ZNF682: variants seen among roughly 807,000 people sequenced by gnomAD.
The protein encoded by ZNF682 is zinc finger protein 682.
ZNF682 carries 29 observed loss-of-function variants against 36.5 expected under a neutral mutation model. The ratio of observed to expected loss-of-function variants is 0.80; its 90% CI spans 0.59 to 1.08. ZNF682 has a LOEUF of 1.08. ZNF682 is among the 50% of genes least tolerant of loss of function. ZNF682 has a pLI of 0.00. For synonymous variants in ZNF682, 180 were observed against 197.0 expected (o/e 0.91, Z 0.72); for missense variants, 561 against 579.7 (o/e 0.97, Z 0.33).
chr19:19,997,766 C>G (rs2088136894), intron 3 of ZNF682, among the ~76,000 whole-genome samples: 1 of 152,180 alleles, frequency 6.6e-6, no homozygotes, highest in South Asian at 2.1e-4. Context: ...CCTTTGTCCC[C>G]TGGGACCCTG....
intron 1 of ZNF682, among the ~76,000 whole-genome samples, chr19:20,032,045 A>C (rs1358297284): frequency 6.6e-6 from 1 of 152,206 alleles, no homozygotes; most frequent in Non-Finnish European, 1.5e-5. Context: ...AAGCAGTTTC[A>C]AGAGGTGAAT....
At chr19:20,033,450 C>G (rs187264804) in intron 1 of ZNF682, 13 of 152,440 alleles carry the variant, frequency 8.5e-5, no homozygotes, top group African/African-American at 2.4e-4. Context: ...CACCATGCCA[C>G]AGAGCAGAGC....
At chr19:20,003,949 ACATCCACATTC>A (rs1373435570), downstream of ZNF682, among the ~76,000 whole-genome samples, 6 of 152,232 alleles carry the variant, frequency 3.9e-5, no homozygotes, top group Non-Finnish European at 5.9e-5. Flanking sequence ...AAATAGGTAC[ACATCCACATTC>A]AAATACAATT....
intron 3 of ZNF682, among the ~76,000 whole-genome samples, chr19:20,022,556 G>A (rs925035042): frequency 2.0e-5 from 3 of 151,844 alleles, no homozygotes; most frequent in East Asian, 1.9e-4. Flanking sequence ...CCAGCTACTC[G>A]GGAGGCTGAG....
At position 20,006,144 on chromosome 19, in the gene ZNF682, T is replaced by G. The variant is rs1394964835; in HGVS notation, c.1358A>C (p.Tyr453Ser). The change falls in exon 4 of 4, where the codon TAT becomes TCT. Residue 453 changes from tyrosine to serine, a missense_variant. Tyr to Ser is a moderately radical substitution (Grantham distance 144). Coordinates refer to ENST00000397165, the MANE Select transcript of ZNF682 (RefSeq NM_033196.3). Reference sequence around the variant, plus strand: ...AGCTTTGCCACATTCTTCACATTTATAGCGTTTGACGGCAGTATGAATTTT... The same window carrying G: ...AGCTTTGCCACATTCTTCACATTTAGAGCGTTTGACGGCAGTATGAATTTT... Reference protein sequence around the residue: ...HKKIHTAVKRYKCEECGKAFK... With the variant: ...HKKIHTAVKRSKCEECGKAFK... 4 of 1,613,186 alleles carry G rather than the reference T, an allele frequency of 2.5e-6. No homozygotes were observed. Among genetic ancestry groups the G allele is most frequent in the Non-Finnish European group, 3.4e-6 (4 of 1,179,206 alleles).
chr19:20,027,694 G>T (rs1188173505), intron 1 of ZNF682, among the ~76,000 whole-genome samples: 1 of 152,038 alleles, frequency 6.6e-6, no homozygotes, highest in Non-Finnish European at 1.5e-5. Context: ...AGGAGGCAGA[G>T]GTTGTGGTGA....
chr19:20,016,525 A>C (rs1002894366), intron 3 of ZNF682, among the ~76,000 whole-genome samples: 1 of 152,148 alleles, frequency 6.6e-6, no homozygotes, highest in Non-Finnish European at 1.5e-5. Context: ...TAAAAAAACA[A>C]AAATTGTGGA....
intron 1 of ZNF682, among the ~76,000 whole-genome samples, chr19:20,028,818 C>T (rs925190616): frequency 2.6e-5 from 4 of 152,110 alleles, no homozygotes; most frequent in African/African-American, 9.7e-5. Context: ...ATGGAGCATG[C>T]GCTGTGTGCT....
chr19:20,039,267 G>A, intron 1 of ZNF682, 76 bp downstream of exon 1: 1 of 1,595,570 alleles, frequency 6.3e-7, no homozygotes, highest in Non-Finnish European at 8.5e-7. Flanking sequence ...GGAGGCCCCA[G>A]TCCCGTCACT....
intron 1 of ZNF682, among the ~76,000 whole-genome samples, chr19:20,037,123 G>A (rs187036579): frequency 9.2e-5 from 14 of 152,320 alleles, no homozygotes; most frequent in Admixed American, 7.8e-4. Flanking sequence ...TTCTGCAAAA[G>A]GTAGGTCTAG....
At position 19,998,283 on chromosome 19, in the gene ZNF682, A is replaced by G. The variant is rs542699393; in HGVS notation, c.227-1020T>C. ...AATGCCTCACTGAGATGACATTTAT[A>G]CCATGATGACAATGACAATAGGGAG... On this transcript the variant is annotated intron_variant, in intron 3 of 3. Coordinates refer to the ZNF682 transcript ENST00000596019. Among the ~76,000 whole-genome samples, 5 of 152,328 alleles carry G rather than the reference A, an allele frequency of 3.3e-5. No individual in the cohort carries two copies. In the East Asian group the frequency reaches 9.6e-4, roughly 29 times the overall value.
chr19:20,007,654 CT>C (rs1243755208), intron 3 of ZNF682: 1 of 181,438 alleles, frequency 5.5e-6, no homozygotes, highest in Non-Finnish European at 1.1e-5. Context: ...GTTCCTTCTC[CT>C]TGAAAGGCAT....
chr19:20,020,491 C>T (rs1372723782), intron 3 of ZNF682, among the ~76,000 whole-genome samples: 5 of 151,902 alleles, frequency 3.3e-5, no homozygotes, highest in African/African-American at 7.3e-5. Flanking sequence ...GGTGAGACTC[C>T]ATCTCAAAAA....
intron 2 of ZNF682, 104 bp from the exon 3 acceptor site, chr19:20,023,203 A>G: frequency 9.4e-7 from 1 of 1,064,260 alleles, no homozygotes; most frequent in South Asian, 1.8e-5. Flanking sequence ...ATGATTCTAG[A>G]AAATTAATAA....
downstream of ZNF682, among the ~76,000 whole-genome samples, chr19:19,996,709 A>C (rs2088130523): frequency 6.6e-6 from 1 of 152,226 alleles, no homozygotes; most frequent in African/African-American, 2.4e-5. Flanking sequence ...AAAAGGCTAC[A>C]CACTGGGTAG....
At chr19:20,011,672 CT>C (rs1387495414) in intron 3 of ZNF682, among the ~76,000 whole-genome samples, 1 of 152,186 alleles carries the variant, frequency 6.6e-6, no homozygotes, top group East Asian at 1.9e-4. Flanking sequence ...GAAAATTAAA[CT>C]TGTTCCTGAA....
chr19:20,006,931 G>C lies in ZNF682; in HGVS notation c.571C>G (p.His191Asp). 1 of 1,613,650 alleles carries C rather than the reference G, an allele frequency of 6.2e-7. No individual in the cohort carries two copies. Among genetic ancestry groups the C allele is most frequent in the Non-Finnish European group, 8.5e-7 (1 of 1,179,728 alleles). ...TTCTCTTCAGTGTGAATTATCTTAT[G>C]ATAAGAAAGGCCTGAGTGAGATTTA... Reference protein sequence around the residue: ...VFKSHSGLSYHKIIHTEEKLC... With the variant: ...VFKSHSGLSYDKIIHTEEKLC... The change falls in exon 4 of 4, where the codon CAT becomes GAT. Residue 191 changes from histidine to aspartate, a missense_variant. Physicochemically the swap from His to Asp is moderately conservative, Grantham distance 81 (BLOSUM62 -1). Transcript: ENST00000397165.
intron 1 of ZNF682, chr19:20,034,419 G>A (rs944699580): frequency 7.9e-5 from 12 of 152,190 alleles, no homozygotes; most frequent in Non-Finnish European, 1.5e-4. Context: ...TATTATATCC[G>A]TGGGTGGGTG....
At position 20,006,333 on chromosome 19, in the gene ZNF682, A is replaced by T; in HGVS notation, c.1169T>A (p.Ile390Asn). Residue 390 changes from isoleucine (I) to asparagine (N), a missense_variant, in exon 4 of 4, where the codon ATT becomes AAT. Coordinates refer to ENST00000397165, the MANE Select transcript of ZNF682 (RefSeq NM_033196.3). ...RFSYLTKHKR[I>N]HTGEKPYKCE... Reference sequence around the variant, plus strand: ...TTTGTAGGGTTTCTCTCCAGTGTGAATTCTCTTGTGTTTAGTAAGGTATGA... The same window carrying T: ...TTTGTAGGGTTTCTCTCCAGTGTGATTTCTCTTGTGTTTAGTAAGGTATGA... The T allele has an allele frequency of 6.2e-7, 1 of 1,613,250 alleles. No homozygotes were observed. The highest frequency in any genetic ancestry group is 1.3e-5 in the African/African-American group (1 of 74,918).
Sources: gnomAD v4.1 joint callset for allele counts (sites outside exome capture counted in the v4.1 genomes callset) on GRCh38, gnomAD v4.1.1 for gene constraint, MANE v1.5 for transcripts, NCBI Gene and HGNC (gene_info 2026-07-23, HGNC 2026-07-21) for gene names.